The following NAALADL2 variants were observed in gnomAD, a reference collection of about 807,000 sequenced individuals.
NAALADL2 encodes inactive N-acetylated-alpha-linked acidic dipeptidase-like protein 2.
NAALADL2 carries 76 observed loss-of-function variants against 87.2 expected under a neutral mutation model. The ratio of observed to expected loss-of-function variants is 0.87; its 90% confidence interval spans 0.72 to 1.05. NAALADL2 has a LOEUF of 1.05. NAALADL2 is among the 50% of genes least tolerant of loss of function. The pLI, the probability that NAALADL2 is intolerant of heterozygous loss-of-function variation, is 0.00. For synonymous variants in NAALADL2, 354 were observed against 331.0 expected (o/e 1.07, Z -0.75); for missense variants, 1,089 against 945.8 (o/e 1.15, Z -1.99).
chr3:175,605,029 C>T (rs1582592695), intron 10 of NAALADL2, among the ~76,000 whole-genome samples: 1 of 152,230 alleles, frequency 6.6e-6, no homozygotes, highest in African/African-American at 2.4e-5. Context: ...TACAGGATTC[C>T]CAAATCATAA....
chr3:175,161,599 C>T (rs542344986), intron 2 of NAALADL2, among the ~76,000 whole-genome samples: 2 of 152,146 alleles, frequency 1.3e-5, no homozygotes, highest in South Asian at 2.1e-4. Flanking sequence ...CTGTTTTCCA[C>T]GAACTGTAAA....
intron 2 of NAALADL2, among the ~76,000 whole-genome samples, chr3:174,684,627 A>G (rs1727860077): frequency 6.6e-6 from 1 of 152,140 alleles, no homozygotes. Context: ...ATGTTTTCTA[A>G]TACTTTTTCT....
intron 10 of NAALADL2, among the ~76,000 whole-genome samples, chr3:175,598,647 A>T (rs1354267731): frequency 6.6e-6 from 1 of 152,088 alleles, no homozygotes; most frequent in Admixed American, 6.5e-5. Flanking sequence ...GCTATCTCAT[A>T]GGTCTTCAAA....
intron 1 of NAALADL2, among the ~76,000 whole-genome samples, chr3:174,987,866 C>T (rs1746187870): frequency 6.9e-6 from 1 of 144,094 alleles, no homozygotes; most frequent in Non-Finnish European, 1.5e-5. Context: ...AAGACAAGGT[C>T]TCTTTAGGTT....
intron 2 of NAALADL2, among the ~76,000 whole-genome samples, chr3:174,591,716 C>A (rs1180760728): frequency 6.6e-6 from 1 of 152,080 alleles, no homozygotes; most frequent in Non-Finnish European, 1.5e-5. Context: ...AAATTTCAGT[C>A]TTTTTATAGT....
chr3:175,721,019 A>G (rs532787542), intron 11 of NAALADL2, among the ~76,000 whole-genome samples: 1 of 152,238 alleles, frequency 6.6e-6, no homozygotes, highest in African/African-American at 2.4e-5. Flanking sequence ...AAGTATAACT[A>G]ATTTTTGACT....
At chr3:175,495,524 C>G (rs1728688411) in intron 9 of NAALADL2, among the ~76,000 whole-genome samples, 1 of 151,962 alleles carries the variant, frequency 6.6e-6, no homozygotes, top group Non-Finnish European at 1.5e-5. Context: ...ACTTTTGCAC[C>G]AACCTAATCT....
chr3:174,848,135 C>T (rs1313674391), intron 3 of NAALADL2, among the ~76,000 whole-genome samples: 1 of 151,830 alleles, frequency 6.6e-6, no homozygotes, highest in African/African-American at 2.4e-5. Flanking sequence ...CAATTAAGTA[C>T]CAAAGTTGTG....
intron 5 of NAALADL2, among the ~76,000 whole-genome samples, chr3:175,366,629 A>G (rs1176719249): frequency 1.3e-5 from 2 of 151,496 alleles, no homozygotes; most frequent in African/African-American, 4.9e-5. Context: ...GCATTTTTTC[A>G]TGTGTCTGTT....
intron 2 of NAALADL2, among the ~76,000 whole-genome samples, chr3:174,733,310 G>T (rs2108988921): frequency 6.6e-6 from 1 of 152,314 alleles, no homozygotes. Flanking sequence ...TTCAATGTAA[G>T]ATACTAGAGT....
intron 6 of NAALADL2, among the ~76,000 whole-genome samples, chr3:175,451,742 TA>T (rs1337560890): frequency 1.3e-5 from 2 of 152,152 alleles, no homozygotes; most frequent in Non-Finnish European, 2.9e-5. Context: ...AAATTTTACA[TA>T]AATAAATTTG....
chr3:175,562,909 T>A (rs1258355776), intron 9 of NAALADL2, among the ~76,000 whole-genome samples: 1 of 151,768 alleles, frequency 6.6e-6, no homozygotes, highest in Non-Finnish European at 1.5e-5. Flanking sequence ...GAAAACACAG[T>A]TTTAAGTAGA....
chr3:175,283,258 T>C (rs532170625), intron 4 of NAALADL2, among the ~76,000 whole-genome samples: 2 of 152,218 alleles, frequency 1.3e-5, no homozygotes, highest in African/African-American at 4.8e-5. Flanking sequence ...AGTGACCAGG[T>C]AGGCAGGAAG....
chr3:174,569,457 C>T (rs990715780), intron 2 of NAALADL2, among the ~76,000 whole-genome samples: 1 of 152,026 alleles, frequency 6.6e-6, no homozygotes, highest in Admixed American at 6.6e-5. Flanking sequence ...TACATATTTA[C>T]AACAGCTGTT....
intron 2 of NAALADL2, among the ~76,000 whole-genome samples, chr3:174,595,866 G>C (rs1717844484): frequency 6.6e-6 from 1 of 152,094 alleles, no homozygotes; most frequent in Non-Finnish European, 1.5e-5. Context: ...CAAAAAATTA[G>C]CTGGGTGTGG....
chr3:174,599,105 A>G (rs1251674301), intron 2 of NAALADL2, among the ~76,000 whole-genome samples: 2 of 152,170 alleles, frequency 1.3e-5, no homozygotes, highest in East Asian at 3.9e-4. Flanking sequence ...AGCCAGAGCC[A>G]TACACTCCAT....
At chr3:175,661,697 A>G (rs559127491) in intron 11 of NAALADL2, among the ~76,000 whole-genome samples, 3 of 151,970 alleles carry the variant, frequency 2.0e-5, no homozygotes, top group Non-Finnish European at 4.4e-5. Context: ...GTCTGGTTTC[A>G]TTCTTCTGCA....
intron 2 of NAALADL2, among the ~76,000 whole-genome samples, chr3:174,562,249 T>C (rs184053827): frequency 5.3e-5 from 8 of 152,296 alleles, no homozygotes; most frequent in African/African-American, 9.6e-5. Context: ...ACCAAGTAAT[T>C]TGGAGTTTTA....
intron 11 of NAALADL2, chr3:175,718,697 T>C: frequency 6.6e-7 from 1 of 1,506,570 alleles, no homozygotes; most frequent in Non-Finnish European, 9.1e-7. Context: ...TTTATAGAGA[T>C]GGAAGATCAC....
Sources: allele counts gnomAD v4.1 joint callset (sites outside exome capture counted in the v4.1 genomes callset), GRCh38; gene constraint gnomAD v4.1.1; transcripts MANE v1.5; gene names NCBI Gene and HGNC (gene_info 2026-07-23, HGNC 2026-07-21).